RAD50: variants seen among roughly 807,000 people sequenced by gnomAD.
The protein encoded by RAD50 is RAD50 double strand break repair protein.
In RAD50, 132 loss-of-function variants were observed where a neutral mutation model predicts 168.8. The ratio of observed to expected loss-of-function variants is 0.78; its 90% CI spans 0.68 to 0.90. The LOEUF (loss-of-function observed/expected upper bound fraction) is 0.90, where lower values mean the gene tolerates loss of function less well. Ranked by LOEUF, RAD50 falls within the 40% of genes least tolerant of loss-of-function variation. RAD50 has a pLI of 0.00. For missense variants in RAD50, 1,347 were observed against 1,534.4 expected (o/e 0.88, Z 2.04); for synonymous variants, 525 against 497.4 (o/e 1.06, Z -0.74).
chr5:132,599,730 CTT>C (rs565367904), intron 13 of RAD50, among the ~76,000 whole-genome samples: 1 of 144,730 alleles, frequency 6.9e-6, no homozygotes, highest in Non-Finnish European at 1.5e-5. Flanking sequence ...ACCAAGAGGA[CTT>C]TTTTTTTTTT....
chr5:132,577,626 G>T (rs1170863168), intron 3 of RAD50, among the ~76,000 whole-genome samples: 1 of 151,806 alleles, frequency 6.6e-6, no homozygotes, highest in East Asian at 1.9e-4. Context: ...GTCTCATTAG[G>T]CTCAGTCCTG....
chr5:132,578,693 AT>A (rs879750076), intron 3 of RAD50, among the ~76,000 whole-genome samples: 18 of 151,378 alleles, frequency 1.2e-4, no homozygotes, highest in Admixed American at 2.6e-4. Flanking sequence ...CACCTGGCTA[AT>A]TTTTTTGTAT....
rs533471681 is a variant in RAD50, at chr5:132,575,554, TCTC to T, written c.214-220_214-218del. On this transcript the variant is annotated intron_variant, in intron 2 of 24. Transcript: ENST00000378823. ...TTATTTGAAAAATCTGCATACCTGATCTCCTAATGATGCTGAATAAAGGAGGTA... is the reference window on the plus strand; with the variant it reads ...TTATTTGAAAAATCTGCATACCTGATCTAATGATGCTGAATAAAGGAGGTA... Among the ~76,000 whole-genome samples the T allele has an allele frequency of 2.1e-3, 317 of 152,346 alleles. 2 individuals are homozygous for T. Among genetic ancestry groups the T allele is most frequent in the African/African-American group, 2.0e-3 (85 of 41,580 alleles).
chr5:132,576,471 G>T (rs1339483121), intron 3 of RAD50, among the ~76,000 whole-genome samples: 2 of 152,200 alleles, frequency 1.3e-5, no homozygotes, highest in Non-Finnish European at 2.9e-5. Flanking sequence ...CTCTGTCTTT[G>T]TTGAGCAAAT....
In RAD50 at chr5:132,637,485, A is replaced by G. The variant is rs2040704; in HGVS notation, c.3475+285A>G. Among the ~76,000 whole-genome samples the G allele has an allele frequency of 0.33, 49,692 of 151,758 alleles. 10,548 individuals carry two copies. The highest frequency in any genetic ancestry group is 0.61 in the African/African-American group (25,268 of 41,258). On this transcript the variant is annotated intron_variant, in intron 22 of 24. Transcript: ENST00000378823. ...TGTAGATAGGGATAAGCCAAAATGC[A>G]ATAAGAAAAACCATCCAGAGGAAAC... is the stretch of plus-strand genomic sequence containing the variant.
At chr5:132,631,316 T>C (rs1751461458) in intron 21 of RAD50, among the ~76,000 whole-genome samples, 1 of 152,048 alleles carries the variant, frequency 6.6e-6, no homozygotes, top group African/African-American at 2.4e-5. Flanking sequence ...GATAGAGTTT[T>C]ACCATGTTGG....
At chr5:132,624,720 G>T (rs181289492) in intron 21 of RAD50, among the ~76,000 whole-genome samples, 1 of 151,912 alleles carries the variant, frequency 6.6e-6, no homozygotes, top group Non-Finnish European at 1.5e-5. Context: ...GCAACATGGC[G>T]AAACCCCATC....
chr5:132,624,177 A>G (rs1001628109), intron 21 of RAD50, among the ~76,000 whole-genome samples: 1 of 152,174 alleles, frequency 6.6e-6, no homozygotes, highest in African/African-American at 2.4e-5. Flanking sequence ...TGGGTCCAAA[A>G]TGGCTCATAG....
intron 21 of RAD50, among the ~76,000 whole-genome samples, chr5:132,629,719 G>T (rs993235192): frequency 1.3e-4 from 20 of 152,316 alleles, no homozygotes; most frequent in Admixed American, 1.1e-3. Flanking sequence ...AATAAAGCAT[G>T]CAGTCAGTGT....
At chr5:132,598,723 C>T (rs1750836697) in intron 13 of RAD50, among the ~76,000 whole-genome samples, 1 of 152,300 alleles carries the variant, frequency 6.6e-6, no homozygotes, top group African/African-American at 2.4e-5. Flanking sequence ...CCTCTGCATG[C>T]GTCTTGGGCT....
At chr5:132,596,078 A>G (rs1275048199) in intron 13 of RAD50, among the ~76,000 whole-genome samples, 2 of 151,744 alleles carry the variant, frequency 1.3e-5, no homozygotes, top group Non-Finnish European at 2.9e-5. Flanking sequence ...GCTCATTGCA[A>G]CCTCCACCTC....
At chr5:132,608,525 A>G in intron 16 of RAD50, 90 bp from the exon 17 acceptor site, 1 of 1,154,242 alleles carries the variant, frequency 8.7e-7, no homozygotes, top group Admixed American at 2.6e-5. Context: ...CCTGGCACAT[A>G]GAAAGTGCTT....
rs751781524 is a variant in RAD50, at chr5:132,579,996, G to A, written c.686G>A (p.Ser229Asn). Residue 229 changes from serine (S) to asparagine (N), a missense_variant, in exon 5 of 25, where the codon AGT becomes AAT. Physicochemically the swap from Ser to Asn is conservative, Grantham distance 46. This residue lies in a region of RAD50 where 703 missense variants were observed against 767.7 expected (regional missense o/e 0.92). Transcript: ENST00000378823. ...KACEIRDQIT[S>N]KEAQLTSSKE... ...TGTGAGATTCGTGATCAGATTACAA[G>A]TAAGGAAGCCCAGTTAACATCTTCA... is the stretch of plus-strand genomic sequence containing the variant. The A allele has an allele frequency of 2.5e-6, 4 of 1,613,386 alleles. No homozygotes were observed. Among genetic ancestry groups the A allele is most frequent in the Non-Finnish European group, 3.4e-6 (4 of 1,179,408 alleles).
At chr5:132,619,751 TTG>T (rs1421634328) in intron 21 of RAD50, among the ~76,000 whole-genome samples, 1 of 148,412 alleles carries the variant, frequency 6.7e-6, no homozygotes, top group Non-Finnish European at 1.5e-5. Flanking sequence ...GGTTAGCTCT[TTG>T]TGTGTCTTGT....
At chr5:132,594,477 T>C (rs971324451) in intron 11 of RAD50, among the ~76,000 whole-genome samples, 2 of 152,170 alleles carry the variant, frequency 1.3e-5, no homozygotes, top group Non-Finnish European at 2.9e-5. Context: ...AGAAACAGTA[T>C]TTACAGGAGA....
At chr5:132,615,791 G>A (rs956589295) in intron 19 of RAD50, among the ~76,000 whole-genome samples, 1 of 152,200 alleles carries the variant, frequency 6.6e-6, no homozygotes, top group African/African-American at 2.4e-5. Flanking sequence ...CTGCGCTACA[G>A]GAGGTATTAC....
At position 132,609,401 on chromosome 5, in the gene RAD50, G is replaced by T; in HGVS notation, c.3036+5G>T. ...CAAGATATTGATACACAGAAGGTAG[G>T]TCTGTTTTGCTTATGATATCACTTA... On this transcript the variant is annotated splice_donor_5th_base_variant and intron_variant, in intron 19 of 24. Coordinates refer to ENST00000378823, the MANE Select transcript of RAD50 (RefSeq NM_005732.4). The T allele has an allele frequency of 6.2e-7, 1 of 1,613,384 alleles. No homozygotes were observed. The highest frequency in any genetic ancestry group is 8.5e-7 in the Non-Finnish European group (1 of 1,179,672).
intron 11 of RAD50, 147 bp downstream of exon 11, chr5:132,592,181 T>C: frequency 1.2e-6 from 1 of 844,842 alleles, no homozygotes; most frequent in East Asian, 2.7e-5. Context: ...AGAAAGTTCA[T>C]GGAAAAATGG....
intron 19 of RAD50, among the ~76,000 whole-genome samples, chr5:132,615,116 A>G (rs187332371): frequency 6.6e-6 from 1 of 152,324 alleles, no homozygotes; most frequent in Non-Finnish European, 1.5e-5. Context: ...GGGCCAAATC[A>G]CCCTTCTTTC....
Sources: gnomAD v4.1 joint callset for allele counts (sites outside exome capture counted in the v4.1 genomes callset) on GRCh38, gnomAD v4.1.1 for gene constraint, gnomAD v4.1.1 regional missense constraint, MANE v1.5 for transcripts, NCBI Gene and HGNC (gene_info 2026-07-23, HGNC 2026-07-21) for gene names.